Variants in NT5C2 observed in about 807,000 individuals in gnomAD.
The protein encoded by NT5C2 is 5'-nucleotidase, cytosolic II.
NT5C2 carries 58 observed loss-of-function variants against 76.1 expected under a neutral mutation model. The ratio of observed to expected loss-of-function variants is 0.76; its 90% CI spans 0.62 to 0.95. NT5C2 has a LOEUF of 0.95. NT5C2 is among the 40% of genes least tolerant of loss of function. NT5C2 has a pLI of 0.00. For synonymous variants in NT5C2, 229 were observed against 237.4 expected (o/e 0.96, Z 0.32); for missense variants, 478 against 690.3 (o/e 0.69, Z 3.45).
Position 103,089,916 on chromosome 10 carries a change from G to C in NT5C2, c.1450-8C>G, listed in dbSNP as rs1298594704. ...CGTTGATTCATGAGGCATCTAGACA[G>C]AAAAAAGCTAGAGGCTCAGAAAGCA... On this transcript the variant is annotated splice_region_variant and splice_polypyrimidine_tract_variant and intron_variant, in intron 18 of 18. Coordinates refer to ENST00000404739, the MANE Select transcript of NT5C2 (RefSeq NM_001351169.2). 39 of 1,572,186 alleles carry C rather than the reference G, an allele frequency of 2.5e-5. No individual in the cohort carries two copies. The East Asian group carries it at 8.6e-4, about 35-fold the overall frequency.
chr10:103,170,554 T>C (rs1245537869), intron 3 of NT5C2, among the ~76,000 whole-genome samples: 2 of 137,280 alleles, frequency 1.5e-5, no homozygotes, highest in Non-Finnish European at 3.1e-5. Context: ...TTTTGAGACA[T>C]GCTCTCATTC....
chr10:103,151,483 T>C (rs1453391471), intron 3 of NT5C2, among the ~76,000 whole-genome samples: 2 of 148,116 alleles, frequency 1.4e-5, no homozygotes, highest in Non-Finnish European at 3.0e-5. Context: ...AAAAAAACAC[T>C]AGCCTCTCGC....
At chr10:103,185,477 T>C (rs1215550898) in intron 1 of NT5C2, among the ~76,000 whole-genome samples, 2 of 151,318 alleles carry the variant, frequency 1.3e-5, no homozygotes, top group Non-Finnish European at 2.9e-5. Context: ...AAAACCCCCA[T>C]CTCTATAAAA....
At chr10:103,125,365 C>T (rs927605946) in intron 4 of NT5C2, 11 of 328,736 alleles carry the variant, frequency 3.3e-5, no homozygotes, top group South Asian at 2.7e-4. Context: ...CCTGTCTTTT[C>T]GACATTGCTG....
chr10:103,114,414 T>A (rs1378512158), intron 4 of NT5C2, among the ~76,000 whole-genome samples: 2 of 151,610 alleles, frequency 1.3e-5, no homozygotes, highest in Non-Finnish European at 2.9e-5. Context: ...GTCTCAAAAA[T>A]AAATAAATAA....
intron 12 of NT5C2, 104 bp downstream of exon 12, chr10:103,095,835 T>C: frequency 1.0e-6 from 1 of 993,858 alleles, no homozygotes; most frequent in South Asian, 1.4e-5. Flanking sequence ...AAAGTAGGAC[T>C]TTTCTGGGTG....
At chr10:103,103,643 TGGAATG>T (rs2070385217) in intron 6 of NT5C2, among the ~76,000 whole-genome samples, 1 of 152,064 alleles carries the variant, frequency 6.6e-6, no homozygotes, top group Admixed American at 6.6e-5. Context: ...ATGCTACACT[TGGAATG>T]GGAAGAAAAC....
At chr10:103,192,600 G>C (rs1591992331) in intron 1 of NT5C2, among the ~76,000 whole-genome samples, 1 of 152,342 alleles carries the variant, frequency 6.6e-6, no homozygotes, top group East Asian at 1.9e-4. Context: ...GTGGCGGCTT[G>C]CAATTCGCTG....
At chr10:103,154,554 G>A (rs2082990622) in intron 3 of NT5C2, among the ~76,000 whole-genome samples, 1 of 152,074 alleles carries the variant, frequency 6.6e-6, no homozygotes, top group South Asian at 2.1e-4. Flanking sequence ...TCCACTTTCT[G>A]GCTTTGGAAC....
intron 4 of NT5C2, among the ~76,000 whole-genome samples, chr10:103,135,775 A>T (rs1230087666): frequency 6.9e-6 from 1 of 145,370 alleles, no homozygotes; most frequent in African/African-American, 2.6e-5. Flanking sequence ...GTGACACAGC[A>T]AGATTCCATC....
intron 3 of NT5C2, chr10:103,153,156 G>A: frequency 2.2e-6 from 1 of 459,930 alleles, no homozygotes; most frequent in Non-Finnish European, 3.4e-6. Flanking sequence ...TATAAGATTT[G>A]GGCTGAATTT....
intron 4 of NT5C2, among the ~76,000 whole-genome samples, chr10:103,124,593 T>C (rs965610279): frequency 6.6e-6 from 1 of 152,116 alleles, no homozygotes; most frequent in Non-Finnish European, 1.5e-5. Flanking sequence ...AGTCATTTCA[T>C]GTACACTACT....
At chr10:103,149,448 T>C (rs182810639) in intron 3 of NT5C2, among the ~76,000 whole-genome samples, 4 of 152,138 alleles carry the variant, frequency 2.6e-5, no homozygotes, top group African/African-American at 9.7e-5. Context: ...GTAGGAAATA[T>C]AAGAGAGGGC....
chr10:103,097,008 A>C (rs2068379877), intron 11 of NT5C2, among the ~76,000 whole-genome samples: 1 of 125,154 alleles, frequency 8.0e-6, no homozygotes, highest in Admixed American at 8.8e-5. Context: ...ATGATGCTCC[A>C]AAGAGACACA....
intron 9 of NT5C2, 25 bp from the exon 10 acceptor site, chr10:103,099,009 TAAGA>T (rs1564949254): frequency 6.4e-7 from 1 of 1,564,944 alleles, no homozygotes; most frequent in Non-Finnish European, 8.8e-7. Context: ...AAAAAAGAAT[TAAGA>T]AAAGAACAAA....
intron 3 of NT5C2, among the ~76,000 whole-genome samples, chr10:103,169,747 G>A (rs768536114): frequency 4.6e-5 from 7 of 151,918 alleles, no homozygotes; most frequent in East Asian, 1.9e-4. Flanking sequence ...TTTGGAGGCC[G>A]AGGCAGGAGG....
chr10:103,095,697 A>AT (rs1387368207), intron 12 of NT5C2, among the ~76,000 whole-genome samples: 1 of 152,200 alleles, frequency 6.6e-6, no homozygotes, highest in East Asian at 1.9e-4. Flanking sequence ...TAAATATCAC[A>AT]TGAATATCCC....
chr10:103,089,610 T>C lies in NT5C2; in HGVS notation c.*62A>G. The C allele has an allele frequency of 6.7e-7, 1 of 1,494,194 alleles. No individual in the cohort carries two copies. Among genetic ancestry groups the C allele is most frequent in the Admixed American group, 2.4e-5 (1 of 41,570 alleles). The allele number at this position is 1,494,194 out of a possible 1,614,324, so 92.6% of individuals were successfully genotyped here. ...GAGTAGAACCCTAACAGGGACCTCG[T>C]TTGTTCCTGTGAGTCCTGCCAGGAC... On this transcript the variant is annotated 3_prime_UTR_variant, in exon 19 of 19. Transcript: ENST00000404739.
chr10:103,112,994 A>T (rs2073429128), intron 4 of NT5C2, among the ~76,000 whole-genome samples: 1 of 152,200 alleles, frequency 6.6e-6, no homozygotes, highest in African/African-American at 2.4e-5. Context: ...CACATTAAAT[A>T]GACACAGGCA....
Sources: allele counts gnomAD v4.1 joint callset (sites outside exome capture counted in the v4.1 genomes callset), GRCh38; gene constraint gnomAD v4.1.1; transcripts MANE v1.5; gene names NCBI Gene and HGNC (gene_info 2026-07-23, HGNC 2026-07-21).